CRPPA: variants seen among roughly 807,000 people sequenced by gnomAD.
CRPPA encodes CDP-L-ribitol pyrophosphorylase A.
A neutral mutation model predicts 52.0 loss-of-function variants in CRPPA; 43 were observed. The ratio of observed to expected loss-of-function variants is 0.83; its 90% confidence interval spans 0.65 to 1.07. The LOEUF (loss-of-function observed/expected upper bound fraction) is 1.07. Ranked by LOEUF, CRPPA falls within the 50% of genes least tolerant of loss-of-function variation. The pLI, the probability that CRPPA is intolerant of heterozygous loss-of-function variation, is 0.00. For missense variants in CRPPA, 629 were observed against 551.7 expected (o/e 1.14, Z -1.40); for synonymous variants, 250 against 203.5 (o/e 1.23, Z -1.94).
chr7:16,192,133 A>G (rs1280000716), intron 9 of CRPPA, among the ~76,000 whole-genome samples: 1 of 152,122 alleles, frequency 6.6e-6, no homozygotes, highest in Non-Finnish European at 1.5e-5. Flanking sequence ...ATGAAATCCA[A>G]TGATAGTTCT....
chr7:16,284,714 T>C (rs139831692), intron 5 of CRPPA, among the ~76,000 whole-genome samples: 4 of 152,248 alleles, frequency 2.6e-5, no homozygotes, highest in Non-Finnish European at 4.4e-5. Flanking sequence ...CTCGTTCTCA[T>C]TGTTTACATC....
chr7:16,294,488 G>C (rs1784631206), intron 5 of CRPPA, among the ~76,000 whole-genome samples: 1 of 151,554 alleles, frequency 6.6e-6, no homozygotes, highest in African/African-American at 2.4e-5. Context: ...TTTACAGTAA[G>C]ATTTCAAGGG....
chr7:16,188,315 T>C (rs558536041), intron 9 of CRPPA, among the ~76,000 whole-genome samples: 60 of 152,120 alleles, frequency 3.9e-4, no homozygotes, highest in Admixed American at 2.6e-4. Flanking sequence ...CGAGAACAAA[T>C]GTATGGTGTG....
At chr7:16,136,122 GA>G (rs1782757667) in intron 9 of CRPPA, among the ~76,000 whole-genome samples, 3 of 152,104 alleles carry the variant, frequency 2.0e-5, no homozygotes, top group Admixed American at 1.3e-4. Context: ...TGTAATACTT[GA>G]AACCAACTAA....
intron 9 of CRPPA, among the ~76,000 whole-genome samples, chr7:16,193,832 C>G (rs1022101905): frequency 6.6e-6 from 1 of 152,108 alleles, no homozygotes; most frequent in Non-Finnish European, 1.5e-5. Context: ...GCAGTGTAAA[C>G]AGGGCCAATT....
At chr7:16,307,507 C>A (rs1784936946) in intron 4 of CRPPA, among the ~76,000 whole-genome samples, 1 of 151,646 alleles carries the variant, frequency 6.6e-6, no homozygotes, top group African/African-American at 2.4e-5. Flanking sequence ...CATGGTGAAA[C>A]CCCGTCTCTA....
chr7:16,381,251 C>T (rs539142447), intron 2 of CRPPA, among the ~76,000 whole-genome samples: 41 of 152,248 alleles, frequency 2.7e-4, no homozygotes, highest in Middle Eastern at 3.4e-3. Flanking sequence ...GTTATGTATC[C>T]AGTAGTCATT....
At chr7:16,301,288 A>T (rs1784785256) in intron 5 of CRPPA, 133 bp downstream of exon 5, 1 of 657,108 alleles carries the variant, frequency 1.5e-6, no homozygotes, top group African/African-American at 1.8e-5. Flanking sequence ...TTATTTTCAA[A>T]AAACAAATCA....
intron 9 of CRPPA, among the ~76,000 whole-genome samples, chr7:16,167,806 C>T (rs897494741): frequency 2.6e-5 from 4 of 152,206 alleles, no homozygotes; most frequent in African/African-American, 9.7e-5. Context: ...CCTAGTTAAT[C>T]CCTATCAATC....
At chr7:16,314,628 T>C (rs936028592) in intron 3 of CRPPA, among the ~76,000 whole-genome samples, 2 of 152,096 alleles carry the variant, frequency 1.3e-5, no homozygotes, top group African/African-American at 4.8e-5. Flanking sequence ...TTTTTGTTTG[T>C]CTGCTAAAGT....
At chr7:16,144,568 T>C (rs1782936192) in intron 9 of CRPPA, among the ~76,000 whole-genome samples, 1 of 152,222 alleles carries the variant, frequency 6.6e-6, no homozygotes, top group Non-Finnish European at 1.5e-5. Context: ...TACAATGGAA[T>C]GTAGAGGAGT....
chr7:16,262,204 T>G (rs1472812567), intron 6 of CRPPA: 1 of 152,204 alleles, frequency 6.6e-6, no homozygotes, highest in East Asian at 1.9e-4. Flanking sequence ...CTGAAGAATT[T>G]ATTTATTTTT....
chr7:16,201,002 A>G (rs1781839632), intron 9 of CRPPA, among the ~76,000 whole-genome samples: 1 of 152,170 alleles, frequency 6.6e-6, no homozygotes, highest in Non-Finnish European at 1.5e-5. Context: ...GCTATGTCTA[A>G]TAATGAAGAA....
At chr7:16,167,236 A>T (rs1781087666) in intron 9 of CRPPA, among the ~76,000 whole-genome samples, 1 of 152,122 alleles carries the variant, frequency 6.6e-6, no homozygotes, top group African/African-American at 2.4e-5. Flanking sequence ...TTTCCAAGCT[A>T]CTTTCATCAC....
intron 2 of CRPPA, among the ~76,000 whole-genome samples, chr7:16,380,438 G>A (rs1025892055): frequency 1.3e-5 from 2 of 152,102 alleles, no homozygotes; most frequent in Non-Finnish European, 2.9e-5. Flanking sequence ...CAAGGATATT[G>A]GTCTAAAATT....
At chr7:16,392,198 T>A (rs561476108) in intron 2 of CRPPA, among the ~76,000 whole-genome samples, 1 of 152,254 alleles carries the variant, frequency 6.6e-6, no homozygotes, top group African/African-American at 2.4e-5. Context: ...AGCCCCCACA[T>A]GTCAAAGCTT....
chr7:16,116,731 A>G (rs770291032), intron 9 of CRPPA, among the ~76,000 whole-genome samples: 5 of 149,280 alleles, frequency 3.3e-5, no homozygotes, highest in Non-Finnish European at 7.4e-5. Flanking sequence ...AAACAAACAA[A>G]CATTCCAGAA....
intron 2 of CRPPA, among the ~76,000 whole-genome samples, chr7:16,396,621 C>T (rs535966307): frequency 2.6e-5 from 4 of 152,252 alleles, no homozygotes; most frequent in Non-Finnish European, 4.4e-5. Flanking sequence ...GATACTTACA[C>T]ATGCATATAT....
chr7:16,405,523 T>C (rs1787931380), intron 2 of CRPPA, among the ~76,000 whole-genome samples: 1 of 152,136 alleles, frequency 6.6e-6, no homozygotes, highest in South Asian at 2.1e-4. Context: ...TAATTTTACT[T>C]GGTAATAGAA....
Sources: gnomAD v4.1 joint callset for allele counts (sites outside exome capture counted in the v4.1 genomes callset) on GRCh38, gnomAD v4.1.1 for gene constraint, MANE v1.5 for transcripts, NCBI Gene and HGNC (gene_info 2026-07-23, HGNC 2026-07-21) for gene names.